MYT1L: variants seen among roughly 807,000 people sequenced by gnomAD.
MYT1L encodes the protein myelin transcription factor 1 like.
In MYT1L, 12 loss-of-function variants were observed where a neutral mutation model predicts 126.7. The ratio of observed to expected loss-of-function variants is 0.09; its 90% CI spans 0.06 to 0.15. MYT1L has a LOEUF of 0.15. Among genes scored for constraint, MYT1L ranks in the 10% least tolerant of loss-of-function variants. The pLI, the probability that MYT1L is intolerant of heterozygous loss-of-function variation, is 1.00. For synonymous variants in MYT1L, 541 were observed against 604.2 expected (o/e 0.90, Z 1.53); for missense variants, 979 against 1,585.2 (o/e 0.62, Z 6.49).
At chr2:1,818,766 C>T (rs568949170) in intron 21 of MYT1L, among the ~76,000 whole-genome samples, 15 of 152,334 alleles carry the variant, frequency 9.8e-5, no homozygotes, top group African/African-American at 3.6e-4. Flanking sequence ...CTGCTTCCAT[C>T]TCAGTGGGAA....
intron 3 of MYT1L, among the ~76,000 whole-genome samples, chr2:2,063,091 C>G (rs185781131): frequency 6.6e-6 from 1 of 152,112 alleles, no homozygotes; most frequent in African/African-American, 2.4e-5. Context: ...ATCTTCTCAC[C>G]TCTCTTGTGA....
At chr2:2,056,526 A>G (rs892900071) in intron 3 of MYT1L, among the ~76,000 whole-genome samples, 1 of 152,236 alleles carries the variant, frequency 6.6e-6, no homozygotes, top group South Asian at 2.1e-4. Flanking sequence ...ATCCAACTAC[A>G]GTGTGCTTTT....
chr2:1,994,998 A>G (rs2061716093), intron 5 of MYT1L, among the ~76,000 whole-genome samples: 3 of 152,220 alleles, frequency 2.0e-5, no homozygotes, highest in Admixed American at 6.5e-5. Context: ...TCTGTGACAT[A>G]TGTTAAGTAT....
intron 8 of MYT1L, among the ~76,000 whole-genome samples, chr2:1,971,226 C>T (rs1255036260): frequency 6.6e-6 from 1 of 152,112 alleles, no homozygotes; most frequent in South Asian, 2.1e-4. Context: ...AGATGCATTA[C>T]ATGCTTTGCA....
intron 8 of MYT1L, among the ~76,000 whole-genome samples, chr2:1,978,513 C>T (rs2060349845): frequency 6.6e-6 from 1 of 152,178 alleles, no homozygotes; most frequent in Non-Finnish European, 1.5e-5. Context: ...ATAATTCTGC[C>T]ATGACACATT....
At chr2:2,171,049 C>G (rs1037251461) in intron 3 of MYT1L, among the ~76,000 whole-genome samples, 11 of 152,178 alleles carry the variant, frequency 7.2e-5, no homozygotes, top group Non-Finnish European at 5.9e-5. Flanking sequence ...CCAGAAGGGT[C>G]TGCTCACCCG....
chr2:1,874,701 G>C (rs374574499), intron 18 of MYT1L, among the ~76,000 whole-genome samples: 7 of 152,296 alleles, frequency 4.6e-5, no homozygotes, highest in African/African-American at 1.7e-4. Context: ...CTCTGCCCGT[G>C]CCGTTTGCCA....
At chr2:2,227,607 G>A (rs910245921) in intron 2 of MYT1L, among the ~76,000 whole-genome samples, 3 of 152,148 alleles carry the variant, frequency 2.0e-5, no homozygotes, top group Non-Finnish European at 2.9e-5. Flanking sequence ...AAAGCTGACC[G>A]CACTATCTGT....
At chr2:2,117,873 C>T (rs910393413) in intron 3 of MYT1L, among the ~76,000 whole-genome samples, 7 of 151,924 alleles carry the variant, frequency 4.6e-5, no homozygotes, top group Admixed American at 6.6e-5. Context: ...ATAGGCGGAA[C>T]ATGGAAAGTG....
intron 3 of MYT1L, among the ~76,000 whole-genome samples, chr2:2,071,925 C>A (rs1196339414): frequency 6.6e-6 from 1 of 152,100 alleles, no homozygotes; most frequent in Non-Finnish European, 1.5e-5. Flanking sequence ...GGAGGGAGAG[C>A]AGATTTTAGT....
chr2:1,926,685 G>C (rs1573635935), intron 9 of MYT1L, among the ~76,000 whole-genome samples: 2 of 152,158 alleles, frequency 1.3e-5, no homozygotes, highest in Admixed American at 6.5e-5. Context: ...GCTTCAGCCT[G>C]CTGAGTAGCT....
At chr2:2,119,995 C>T (rs148828994) in intron 3 of MYT1L, among the ~76,000 whole-genome samples, 344 of 152,186 alleles carry the variant, frequency 2.3e-3, no homozygotes, top group African/African-American at 7.8e-3. Context: ...ACTTAGATGA[C>T]TGAAAACACC....
chr2:1,934,307 T>TATATATACAC (rs71276816), intron 9 of MYT1L, among the ~76,000 whole-genome samples: 23 of 132,180 alleles, frequency 1.7e-4, no homozygotes, highest in Admixed American at 7.5e-4. Context: ...TATATATATA[T>TATATATACAC]ACAACCTCAT....
Position 1,811,208 on chromosome 2 carries a change from G to A in MYT1L, c.3081-2041C>T, listed in dbSNP as rs1381603713. 2.0e-5 allele frequency: 3 copies of A among 152,182 alleles called. No homozygotes were observed. Among genetic ancestry groups the A allele is most frequent in the Non-Finnish European group, 4.4e-5 (3 of 68,044 alleles). 9.4% of individuals were successfully genotyped at this position (152,182 alleles called of 1,614,324 possible). A position where few individuals can be genotyped will look rare whatever the true frequency, so the allele number is the denominator to read the frequency against. On this transcript the variant is annotated intron_variant, in intron 21 of 24. Coordinates refer to ENST00000647738, the MANE Select transcript of MYT1L (RefSeq NM_001303052.2). This position sits in a 1 kb window ranked among gnomAD's most constrained non-coding sequence, Gnocchi z 4.4. The stretch of plus-strand genomic sequence containing the variant: ...TGGTTTCTATGCTGCCCAAGGTATG[G>A]TATTTGTTTTTGCAGCCCTGGAACG...
rs73911347 is a variant in MYT1L at position 2,096,118 on chromosome 2, G to A, written c.-303-41995C>T. 8.8e-3 allele frequency among the ~76,000 whole-genome samples: 1,335 copies of A among 152,314 alleles called. 21 individuals are homozygous for A. The highest frequency in any genetic ancestry group is 0.029 in the African/African-American group (1,212 of 41,560). ...TTCATCACAAAAGAATGACCACAGC[G>A]AATATTTAAAAAGTGATTTTTATTT... is the stretch of plus-strand genomic sequence containing the variant. On this transcript the variant is annotated intron_variant, in intron 3 of 24. Transcript: ENST00000647738.
intron 1 of MYT1L, among the ~76,000 whole-genome samples, chr2:2,302,759 T>G (rs1559609063): frequency 1.3e-5 from 2 of 152,170 alleles, no homozygotes; most frequent in African/African-American, 2.4e-5. Context: ...AAACCCAAAT[T>G]ATTAATTAGA....
intron 2 of MYT1L, among the ~76,000 whole-genome samples, chr2:2,182,769 C>T (rs1206948398): frequency 6.6e-6 from 1 of 152,138 alleles, no homozygotes; most frequent in Non-Finnish European, 1.5e-5. Context: ...GGCTTCCTAC[C>T]AAACACCACC....
chr2:1,904,756 C>T (rs1022912887), intron 13 of MYT1L, among the ~76,000 whole-genome samples: 5 of 151,832 alleles, frequency 3.3e-5, no homozygotes, highest in African/African-American at 9.7e-5. Flanking sequence ...CTCAGCCTCC[C>T]AGGCAGCTGG....
intron 4 of MYT1L, among the ~76,000 whole-genome samples, chr2:2,029,535 G>C (rs963994825): frequency 6.6e-5 from 10 of 152,126 alleles, no homozygotes; most frequent in Admixed American, 3.3e-4. Context: ...TCTCCACCTG[G>C]TCCCACCCTT....
Sources: allele counts gnomAD v4.1 joint callset (sites outside exome capture counted in the v4.1 genomes callset), GRCh38; gene constraint gnomAD v4.1.1; non-coding constraint Gnocchi (gnomAD v3.1); transcripts MANE v1.5; gene names NCBI Gene and HGNC (gene_info 2026-07-23, HGNC 2026-07-21).